Variants in GLIS3 observed in about 807,000 individuals in gnomAD.
GLIS3 encodes the protein zinc finger protein GLIS3.
A neutral mutation model predicts 78.6 loss-of-function variants in GLIS3; 53 were observed. That is an observed-to-expected ratio of 0.67 (90% CI 0.54 to 0.85). GLIS3 has a LOEUF of 0.85. GLIS3 is among the 40% of genes least tolerant of loss of function. The pLI, the probability that GLIS3 is intolerant of heterozygous loss-of-function variation, is 0.00. For missense variants in GLIS3, 1,703 were observed against 1,231.1 expected (o/e 1.38, Z -5.74); for synonymous variants, 684 against 509.9 (o/e 1.34, Z -4.60).
chr9:4,189,507 G>A (rs1818128980), intron 2 of GLIS3, among the ~76,000 whole-genome samples: 1 of 152,094 alleles, frequency 6.6e-6, no homozygotes, highest in Non-Finnish European at 1.5e-5. Flanking sequence ...ATGTCTATTA[G>A]GTCTGCTTGG....
intron 2 of GLIS3, among the ~76,000 whole-genome samples, chr9:4,319,993 G>C (rs1255151669): frequency 2.7e-5 from 1 of 36,934 alleles, no homozygotes; most frequent in Non-Finnish European, 5.6e-5. Context: ...TTGTGTGTGT[G>C]TGTGTGTGTG....
the GLIS3 span, among the ~76,000 whole-genome samples, chr9:4,369,404 G>A: frequency 1.1e-4 from 17 of 152,334 alleles, no homozygotes; most frequent in African/African-American, 3.8e-4. Flanking sequence ...AGTGCTGTCA[G>A]AAGAATTGAT....
chr9:4,447,991 G>A, the GLIS3 span, among the ~76,000 whole-genome samples: 1 of 152,112 alleles, frequency 6.6e-6, no homozygotes, highest in African/African-American at 2.4e-5. Flanking sequence ...GGTTTAAGCA[G>A]TCCTCCCAAG....
Position 4,021,158 on chromosome 9 carries a change from C to CATGTATATGTAT in GLIS3, c.1711-83981_1711-83970dup, listed in dbSNP as rs58891006. ...ACTATAGTATGCTATAATATCTGTA[C>CATGTATATGTAT]ATGTATATGTATATGTATATGTATA... On this transcript the variant is annotated intron_variant, in intron 4 of 10. Coordinates refer to ENST00000381971, the MANE Select transcript of GLIS3 (RefSeq NM_001042413.2). 3.7e-4 allele frequency among the ~76,000 whole-genome samples: 56 copies of CATGTATATGTAT among 150,592 alleles called. 1 individual carries two copies. The highest frequency in any genetic ancestry group is 4.2e-4 in the South Asian group (2 of 4,788).
At chr9:4,222,290 T>C (rs66832627) in intron 2 of GLIS3, among the ~76,000 whole-genome samples, 17,037 of 152,164 alleles carry the variant, frequency 0.11, 1,011 homozygotes, top group Middle Eastern at 0.19. Flanking sequence ...CCAAACAAAA[T>C]ACTATTCTCT....
intron 1 of GLIS3, among the ~76,000 whole-genome samples, chr9:4,290,707 A>C (rs1289447115): frequency 1.3e-5 from 2 of 152,152 alleles, no homozygotes; most frequent in Admixed American, 6.5e-5. Flanking sequence ...CTCAGAAAAG[A>C]CTGTATAAAC....
At chr9:4,161,032 C>G (rs1170364507) in intron 2 of GLIS3, among the ~76,000 whole-genome samples, 1 of 148,832 alleles carries the variant, frequency 6.7e-6, no homozygotes, top group Non-Finnish European at 1.5e-5. Flanking sequence ...TTGCTTCAAA[C>G]CAGGAGTTCG....
rs1361799448 is a variant in GLIS3 at position 4,298,343 on chromosome 9, G to A, written c.-99+1078C>T. ...CCAGCAAGTCGGAGGGCGCGAACGCGGAGCCAGAAACCCTTCCCCAAAGTT... is the reference window on the plus strand; with the variant it reads ...CCAGCAAGTCGGAGGGCGCGAACGCAGAGCCAGAAACCCTTCCCCAAAGTT... On this transcript the variant is annotated intron_variant, in intron 1 of 10. Coordinates refer to ENST00000381971, the MANE Select transcript of GLIS3 (RefSeq NM_001042413.2). 8.8e-6 allele frequency: 4 copies of A among 454,916 alleles called. No homozygotes were observed. In the East Asian group the frequency reaches 2.8e-4, roughly 32 times the overall value. The allele number at this position is 454,916 out of a possible 1,614,324, so 28.2% of individuals were successfully genotyped here.
chr9:4,075,696 C>T (rs1213394838), intron 4 of GLIS3, among the ~76,000 whole-genome samples: 2 of 151,618 alleles, frequency 1.3e-5, no homozygotes, highest in Admixed American at 6.6e-5. Context: ...AGCTCAAAAC[C>T]AGAAACAACC....
intron 4 of GLIS3, among the ~76,000 whole-genome samples, chr9:3,938,435 A>G (rs1826018452): frequency 6.6e-6 from 1 of 152,176 alleles, no homozygotes; most frequent in Non-Finnish European, 1.5e-5. Context: ...ACTTACTATA[A>G]TAGATGGTAG....
chr9:4,028,621 C>A (rs754387366), intron 4 of GLIS3, among the ~76,000 whole-genome samples: 4 of 152,148 alleles, frequency 2.6e-5, no homozygotes, highest in Non-Finnish European at 4.4e-5. Context: ...CTTCCAGGAG[C>A]CCCTTGTGCC....
At chr9:4,062,688 G>A (rs1826749424) in intron 4 of GLIS3, among the ~76,000 whole-genome samples, 2 of 152,226 alleles carry the variant, frequency 1.3e-5, no homozygotes, top group South Asian at 4.1e-4. Context: ...AGCACTTCGG[G>A]AGGCCGAGGC....
the GLIS3 span, among the ~76,000 whole-genome samples, chr9:4,416,822 T>TTTTTTTTTTTTTTTTTTTTG: frequency 6.8e-6 from 1 of 147,110 alleles, no homozygotes; most frequent in East Asian, 2.0e-4. Flanking sequence ...GTTTTTTTTT[T>TTTTTTTTTTTTTTTTTTTTG]TTTTTTTTTT....
intron 9 of GLIS3, among the ~76,000 whole-genome samples, chr9:3,845,633 A>T (rs915627151): frequency 2.0e-5 from 3 of 152,208 alleles, no homozygotes; most frequent in African/African-American, 7.2e-5. Context: ...AGGTTTGTTG[A>T]TTTATAATAG....
At chr9:4,176,597 T>C (rs549208022) in intron 2 of GLIS3, among the ~76,000 whole-genome samples, 2 of 152,300 alleles carry the variant, frequency 1.3e-5, no homozygotes, top group South Asian at 4.2e-4. Context: ...AACATCTCTA[T>C]GCACATTTCT....
chr9:4,378,376 C>A, the GLIS3 span, among the ~76,000 whole-genome samples: 1 of 152,088 alleles, frequency 6.6e-6, no homozygotes, highest in Non-Finnish European at 1.5e-5. Context: ...ACACTGAAAA[C>A]ATATTCACTG....
chr9:3,872,448 T>C (rs1371538465), intron 8 of GLIS3, among the ~76,000 whole-genome samples: 1 of 152,054 alleles, frequency 6.6e-6, no homozygotes, highest in Non-Finnish European at 1.5e-5. Context: ...AAGAAAGAGG[T>C]TTAATTGGAC....
intron 2 of GLIS3, among the ~76,000 whole-genome samples, chr9:4,255,088 T>C (rs10974413): frequency 0.37 from 55,837 of 151,956 alleles, 10,426 homozygotes; most frequent in Admixed American, 0.41. Context: ...GATATACAGA[T>C]GTCACATAAG....
chr9:3,942,859 G>A (rs996337366), intron 4 of GLIS3, among the ~76,000 whole-genome samples: 1 of 152,136 alleles, frequency 6.6e-6, no homozygotes, highest in South Asian at 2.1e-4. Flanking sequence ...ATACAGTTTG[G>A]TGGGATTTTA....
Sources: allele counts gnomAD v4.1 joint callset (sites outside exome capture counted in the v4.1 genomes callset), GRCh38; gene constraint gnomAD v4.1.1; transcripts MANE v1.5; gene names NCBI Gene and HGNC (gene_info 2026-07-23, HGNC 2026-07-21).